SGCZ: variants seen among roughly 807,000 people sequenced by gnomAD.
SGCZ encodes zeta-sarcoglycan.
In SGCZ, 40 loss-of-function variants were observed where a neutral mutation model predicts 41.3. That is an observed-to-expected ratio of 0.97 (90% CI 0.75 to 1.26). SGCZ has a LOEUF of 1.26. Among genes scored for constraint, SGCZ ranks in the 50% most tolerant of loss-of-function variants. The pLI is 0.00. For synonymous variants in SGCZ, 206 were observed against 137.5 expected (o/e 1.50, Z -3.49); for missense variants, 552 against 369.8 (o/e 1.49, Z -4.04).
At chr8:15,208,188 C>G (rs1431649868) in intron 1 of SGCZ, among the ~76,000 whole-genome samples, 2 of 152,170 alleles carry the variant, frequency 1.3e-5, no homozygotes, top group Non-Finnish European at 2.9e-5. Flanking sequence ...GTAAAGAGAT[C>G]AAAGACAGTA....
chr8:14,101,225 G>A (rs1013434602), intron 7 of SGCZ, among the ~76,000 whole-genome samples: 1 of 152,074 alleles, frequency 6.6e-6, no homozygotes, highest in African/African-American at 2.4e-5. Context: ...GGAGAACCCT[G>A]AAAATATAGA....
chr8:15,152,925 C>G (rs1365283738), intron 1 of SGCZ, among the ~76,000 whole-genome samples: 1 of 152,146 alleles, frequency 6.6e-6, no homozygotes, highest in Non-Finnish European at 1.5e-5. Flanking sequence ...CTCCAGTCTC[C>G]TGGGTAGAGG....
intron 5 of SGCZ, among the ~76,000 whole-genome samples, chr8:14,114,105 T>C (rs575220882): frequency 6.6e-6 from 1 of 152,050 alleles, no homozygotes; most frequent in Non-Finnish European, 1.5e-5. Context: ...AACTTACGAC[T>C]TTCTTGAAGT....
intron 1 of SGCZ, among the ~76,000 whole-genome samples, chr8:14,589,815 G>A (rs968066027): frequency 2.6e-5 from 4 of 151,986 alleles, no homozygotes; most frequent in African/African-American, 7.2e-5. Context: ...CATCACTTTC[G>A]TTTTATGTAT....
At chr8:14,096,268 AT>A (rs1801842781) in intron 7 of SGCZ, among the ~76,000 whole-genome samples, 1 of 152,116 alleles carries the variant, frequency 6.6e-6, no homozygotes, top group Non-Finnish European at 1.5e-5. Flanking sequence ...TTATTTTGAG[AT>A]ACATCCCATC....
At chr8:15,142,028 C>T (rs1171959818) in intron 1 of SGCZ, among the ~76,000 whole-genome samples, 2 of 152,088 alleles carry the variant, frequency 1.3e-5, no homozygotes, top group African/African-American at 2.4e-5. Context: ...TTGGAAAGAC[C>T]GAGTAGGAAA....
At chr8:14,230,775 G>T (rs79816316) in intron 4 of SGCZ, among the ~76,000 whole-genome samples, 2 of 148,538 alleles carry the variant, frequency 1.3e-5, no homozygotes, top group East Asian at 2.0e-4. Context: ...GTGGGGGGGT[G>T]GTTACTCAAA....
At chr8:14,479,747 T>C (rs1190377305) in intron 2 of SGCZ, among the ~76,000 whole-genome samples, 17 of 94,862 alleles carry the variant, frequency 1.8e-4, no homozygotes, top group African/African-American at 2.6e-4. Flanking sequence ...TTTTTTTTTT[T>C]TTTTTTTTTT....
chr8:14,240,198 G>A (rs1201548174), intron 3 of SGCZ, among the ~76,000 whole-genome samples: 3 of 151,228 alleles, frequency 2.0e-5, no homozygotes, highest in Non-Finnish European at 4.4e-5. Context: ...CATGGTGGTG[G>A]GCTCTTGTAA....
chr8:15,087,033 A>G (rs1449548233), intron 1 of SGCZ, among the ~76,000 whole-genome samples: 1 of 152,162 alleles, frequency 6.6e-6, no homozygotes, highest in African/African-American at 2.4e-5. Flanking sequence ...CACACATGAG[A>G]TTTAGCTCAC....
rs577568177 is a variant in SGCZ at position 14,283,905 on chromosome 8, T to G, written c.336+40198A>C. On this transcript the variant is annotated intron_variant, in intron 3 of 7. Coordinates refer to ENST00000382080, the MANE Select transcript of SGCZ (RefSeq NM_139167.4). ...AATTTCAATTGACCTAAGAAACTTT[T>G]GTAGAATTTGTTCTTGTTTAAAACT... Among the ~76,000 whole-genome samples the G allele has an allele frequency of 1.2e-4, 19 of 152,368 alleles. No individual in the cohort carries two copies. In the South Asian group the frequency reaches 3.5e-3, roughly 28 times the overall value.
chr8:14,734,902 C>T (rs940691135), intron 1 of SGCZ, among the ~76,000 whole-genome samples: 2 of 151,934 alleles, frequency 1.3e-5, no homozygotes, highest in African/African-American at 4.8e-5. Context: ...CGTTAGTTTT[C>T]TCTTGTTTAA....
intron 6 of SGCZ, among the ~76,000 whole-genome samples, chr8:14,107,044 G>A (rs1381484451): frequency 6.6e-6 from 1 of 151,764 alleles, no homozygotes; most frequent in African/African-American, 2.4e-5. Context: ...GTGAAACCCC[G>A]TCTCTACTAA....
chr8:15,082,986 T>C (rs910122426), intron 1 of SGCZ, among the ~76,000 whole-genome samples: 1 of 152,182 alleles, frequency 6.6e-6, no homozygotes, highest in Non-Finnish European at 1.5e-5. Flanking sequence ...TTACCTTCTT[T>C]ATTCATTGAA....
At chr8:14,596,087 C>G (rs866025219) in intron 1 of SGCZ, among the ~76,000 whole-genome samples, 2 of 152,288 alleles carry the variant, frequency 1.3e-5, no homozygotes, top group South Asian at 4.1e-4. Flanking sequence ...TTTGAATCCT[C>G]CAGACAGGTT....
At chr8:14,108,345 G>A (rs910176199) in intron 5 of SGCZ, 110 bp from the exon 6 acceptor site, 1 of 905,490 alleles carries the variant, frequency 1.1e-6, no homozygotes, top group Admixed American at 2.2e-5. Context: ...CTTAAAACAG[G>A]TACATATGAT....
At chr8:14,848,805 C>T (rs1041064941) in intron 1 of SGCZ, among the ~76,000 whole-genome samples, 1 of 152,068 alleles carries the variant, frequency 6.6e-6, no homozygotes, top group Non-Finnish European at 1.5e-5. Context: ...AGAACCGTCC[C>T]AGAAGCACAA....
intron 3 of SGCZ, among the ~76,000 whole-genome samples, chr8:14,261,825 A>G (rs772919392): frequency 1.1e-4 from 17 of 152,196 alleles, no homozygotes; most frequent in Non-Finnish European, 2.4e-4. Flanking sequence ...TATAGAAAGA[A>G]TATATTAAAA....
At chr8:14,697,871 T>C (rs1180195223) in intron 1 of SGCZ, among the ~76,000 whole-genome samples, 2 of 152,128 alleles carry the variant, frequency 1.3e-5, no homozygotes, top group African/African-American at 2.4e-5. Context: ...AATATTGAAA[T>C]TCTTGGTTGC....
Sources: allele counts gnomAD v4.1 joint callset (sites outside exome capture counted in the v4.1 genomes callset), GRCh38; gene constraint gnomAD v4.1.1; transcripts MANE v1.5; gene names NCBI Gene and HGNC (gene_info 2026-07-23, HGNC 2026-07-21).